The following ZNF738 variants were observed in gnomAD, a reference collection of about 807,000 sequenced individuals.
The protein encoded by ZNF738 is protein ZNF738.
In ZNF738, 10 loss-of-function variants were observed where a neutral mutation model predicts 9.2. The ratio of observed to expected loss-of-function variants is 1.09; its 90% CI spans 0.67 to 1.85. The LOEUF (loss-of-function observed/expected upper bound fraction) is 1.85, where lower values mean the gene tolerates loss of function less well. Ranked by LOEUF, ZNF738 falls within the 40% of genes most tolerant of loss-of-function variation. The pLI is 0.00. For missense variants in ZNF738, 346 were observed against 283.6 expected (o/e 1.22, Z -1.58); for synonymous variants, 113 against 94.5 (o/e 1.20, Z -1.14).
chr19:21,373,946 T>C (rs1460700294), intron 2 of ZNF738, among the ~76,000 whole-genome samples: 4 of 152,190 alleles, frequency 2.6e-5, no homozygotes, highest in African/African-American at 7.2e-5. Flanking sequence ...CAAGGGTCTC[T>C]GCAAAGTATC....
chr19:21,383,415 G>T lies in ZNF738; in HGVS notation c.869G>T (p.Cys290Phe). 2 of 576,624 alleles carry T rather than the reference G, an allele frequency of 3.5e-6. No individual in the cohort carries two copies. The highest frequency in any genetic ancestry group is 5.4e-5 in the Admixed American group (2 of 37,376). The allele number at this position is 576,624 out of a possible 1,614,324, so 35.7% of individuals were successfully genotyped here. Residue 290 changes from cysteine (C) to phenylalanine (F), a missense_variant, in exon 5 of 5, where the codon TGT (cysteine) becomes TTT (phenylalanine). Transcript: ENST00000683779. ...VIHAGEKHYK[C>F]EKCGKDFKQS... Reference sequence around the variant, plus strand: ...CATGCTGGAGAGAAACACTACAAATGTGAAAAATGTGGCAAAGATTTTAAA... The same window carrying T: ...CATGCTGGAGAGAAACACTACAAATTTGAAAAATGTGGCAAAGATTTTAAA...
chr19:21,359,153 C>T lies in ZNF738; in HGVS notation c.3+10C>T, dbSNP rs1973648143. On this transcript the variant is annotated intron_variant, in intron 1 of 4. Coordinates refer to ENST00000683779, the MANE Select transcript of ZNF738 (RefSeq NM_001355237.2). ...TGGAAGCCTAGAAATGGTGAGAGTGCGGGGTCCAACATCCCGAGAGAGGGG... is the reference window on the plus strand; with the variant it reads ...TGGAAGCCTAGAAATGGTGAGAGTGTGGGGTCCAACATCCCGAGAGAGGGG... The T allele has an allele frequency of 2.9e-6, 3 of 1,049,212 alleles. No individual in the cohort carries two copies. Among genetic ancestry groups the T allele is most frequent in the African/African-American group, 1.6e-5 (1 of 64,366 alleles). 65.0% of individuals were successfully genotyped at this position (1,049,212 alleles called of 1,614,324 possible). A position where few individuals can be genotyped will look rare whatever the true frequency, so the allele number is the denominator to read the frequency against.
intron 2 of ZNF738, chr19:21,372,038 G>A (rs1043423813): frequency 6.6e-6 from 1 of 152,400 alleles, no homozygotes; most frequent in Non-Finnish European, 1.5e-5. Flanking sequence ...CCGCCTCCCG[G>A]GTTCAAGCGA....
In ZNF738 at chr19:21,359,149, AGTGCGGG is replaced by A. The variant is rs1973648103; in HGVS notation, c.3+9_3+15del. On this transcript the variant is annotated splice_region_variant and intron_variant, in intron 1 of 4. Transcript: ENST00000683779. ...ACCCTGGAAGCCTAGAAATGGTGAG[AGTGCGGG>A]GTCCAACATCCCGAGAGAGGGGAAG... is the stretch of plus-strand genomic sequence containing the variant. The A allele has an allele frequency of 9.5e-7, 1 of 1,052,930 alleles. No individual in the cohort carries two copies. The highest frequency in any genetic ancestry group is 1.3e-5 in the South Asian group (1 of 79,872). The allele number at this position is 1,052,930 out of a possible 1,614,324, so 65.2% of individuals were successfully genotyped here. A position where few individuals can be genotyped will look rare whatever the true frequency, so the allele number is the denominator to read the frequency against.
In ZNF738 at chr19:21,384,678, G is replaced by A. The variant is rs1382698373; in HGVS notation, c.*1004G>A. ...TGGAGAGAAACCCTACAAATGTGAA[G>A]AATGTGGAAAAGCTTTTAACCAGTC... On this transcript the variant is annotated 3_prime_UTR_variant, in exon 5 of 5. Transcript: ENST00000683779. Among the ~76,000 whole-genome samples, 2 of 151,958 alleles carry A rather than the reference G, an allele frequency of 1.3e-5. No individual in the cohort carries two copies. Among genetic ancestry groups the A allele is most frequent in the Non-Finnish European group, 2.9e-5 (2 of 68,002 alleles).
At position 21,388,337 on chromosome 19, in the gene ZNF738, T is replaced by C. The variant is rs1361386506; in HGVS notation, c.*4663T>C. ...ATTGTTGCATCAAAGGTATGAGAGA[T>C]TCTTTTCCATTAGGTGGGCATTTAT... On this transcript the variant is annotated 3_prime_UTR_variant, in exon 5 of 5. Coordinates refer to ENST00000683779, the MANE Select transcript of ZNF738 (RefSeq NM_001355237.2). Among the ~76,000 whole-genome samples, 2 of 152,194 alleles carry C rather than the reference T, an allele frequency of 1.3e-5. No homozygotes were observed. The highest frequency in any genetic ancestry group is 2.9e-5 in the Non-Finnish European group (2 of 68,024).
In ZNF738 at chr19:21,383,882, T is replaced by G. The variant is rs1974036302; in HGVS notation, c.*208T>G. 7.1e-7 allele frequency: 1 copy of G among 1,415,136 alleles called. No homozygotes were observed. Among genetic ancestry groups the G allele is most frequent in the South Asian group, 1.1e-5 (1 of 87,012 alleles). 87.7% of individuals were successfully genotyped at this position (1,415,136 alleles called of 1,614,324 possible). A position where few individuals can be genotyped will look rare whatever the true frequency, so the allele number is the denominator to read the frequency against. On this transcript the variant is annotated 3_prime_UTR_variant, in exon 5 of 5. Transcript: ENST00000683779. ...TCAGATTCTCATACCTTACTACACA[T>G]AAGATAATTCATACTGGAGAGAAAC...
At chr19:21,378,370 A>G (rs1292712592) in intron 4 of ZNF738, 1 of 190,216 alleles carries the variant, frequency 5.3e-6, no homozygotes, top group African/African-American at 2.3e-5. Flanking sequence ...CATTGGAAGC[A>G]ACTGTTTTCA....
chr19:21,366,979 G>A (rs557094529), intron 2 of ZNF738, among the ~76,000 whole-genome samples: 1 of 152,272 alleles, frequency 6.6e-6, no homozygotes, highest in African/African-American at 2.4e-5. Context: ...TGGAAATGCA[G>A]CCTGGTAGGT....
At chr19:21,369,747 C>T (rs1973831992) in intron 2 of ZNF738, among the ~76,000 whole-genome samples, 1 of 151,398 alleles carries the variant, frequency 6.6e-6, no homozygotes, top group Non-Finnish European at 1.5e-5. Context: ...GTTTTTATGC[C>T]AGTATAATGC....
In ZNF738 at chr19:21,362,094, A is replaced by AATG. The variant is rs1238984311; in HGVS notation, c.96+239_96+241dup. Among the ~76,000 whole-genome samples, 4 of 140,742 alleles carry AATG rather than the reference A, an allele frequency of 2.8e-5. No homozygotes were observed. The Admixed American group carries it at 3.0e-4, about 10-fold the overall frequency. The allele number at this position is 140,742 out of a possible 152,430, so 92.3% of individuals were successfully genotyped here. A position where few individuals can be genotyped will look rare whatever the true frequency, so the allele number is the denominator to read the frequency against. ...TGAAACTCCATCTAATAATAATAAT[A>AATG]ATGATAATAATAATAATAATAATAA... On this transcript the variant is annotated intron_variant, in intron 2 of 4. Transcript: ENST00000683779.
intron 4 of ZNF738, chr19:21,378,013 G>T (rs919987797): frequency 5.0e-6 from 2 of 396,858 alleles, no homozygotes; most frequent in South Asian, 1.3e-4. Flanking sequence ...GTCTATACAG[G>T]CATATTCTTT....
intron 2 of ZNF738, 116 bp downstream of exon 2, chr19:21,361,974 G>A (rs1211323249): frequency 1.0e-5 from 6 of 585,476 alleles, no homozygotes; most frequent in African/African-American, 5.7e-5. Flanking sequence ...CCAGCTACTC[G>A]GGGTTGCTGA....
intron 2 of ZNF738, among the ~76,000 whole-genome samples, chr19:21,366,011 CAG>C (rs2145222135): frequency 6.6e-6 from 1 of 152,006 alleles, no homozygotes; most frequent in African/African-American, 2.4e-5. Context: ...TTTCTACACA[CAG>C]AGTACAACTG....
At chr19:21,377,636 G>C (rs1973948485) in intron 4 of ZNF738, 2 of 459,794 alleles carry the variant, frequency 4.3e-6, no homozygotes, top group Admixed American at 8.2e-5. Context: ...AGATATGACA[G>C]TTTTTGACTT....
At chr19:21,370,456 G>T (rs1973841789) in intron 2 of ZNF738, among the ~76,000 whole-genome samples, 1 of 152,146 alleles carries the variant, frequency 6.6e-6, no homozygotes. Context: ...ATTAGTAGAA[G>T]TGGTACCAAC....
rs1327592875 is a variant in ZNF738, at chr19:21,388,538, A to T, written c.*4864A>T. Among the ~76,000 whole-genome samples the T allele has an allele frequency of 6.6e-6, 1 of 152,150 alleles. No individual in the cohort carries two copies. The highest frequency in any genetic ancestry group is 2.4e-5 in the African/African-American group (1 of 41,446). On this transcript the variant is annotated 3_prime_UTR_variant, in exon 5 of 5. Coordinates refer to ENST00000683779, the MANE Select transcript of ZNF738 (RefSeq NM_001355237.2). ...ATATTATTAGTATATTATTGTACTA[A>T]TTGTACTTTTATATAATAAAATGCA...
intron 1 of ZNF738, 134 bp downstream of exon 1, chr19:21,359,277 C>T (rs575961075): frequency 6.4e-6 from 5 of 777,574 alleles, no homozygotes; most frequent in Admixed American, 5.5e-5. Context: ...TTGCCCAGCT[C>T]GGCCTCAGTC....
At chr19:21,382,760 A>G (rs1208236734) in intron 4 of ZNF738, 106 bp from the exon 5 acceptor site, 3 of 195,090 alleles carry the variant, frequency 1.5e-5, no homozygotes, top group Admixed American at 5.6e-5. Context: ...GTATTTTGCT[A>G]TATCATCTTG....
Sources: gnomAD v4.1 joint callset for allele counts (sites outside exome capture counted in the v4.1 genomes callset) on GRCh38, gnomAD v4.1.1 for gene constraint, MANE v1.5 for transcripts, NCBI Gene and HGNC (gene_info 2026-07-23, HGNC 2026-07-21) for gene names.